Variants in HDGFL2 observed in about 807,000 individuals in gnomAD.
The protein encoded by HDGFL2 is hepatoma-derived growth factor-related protein 2.
A neutral mutation model predicts 77.1 loss-of-function variants in HDGFL2; 36 were observed. The observed-to-expected ratio is 0.47, with a 90% CI of 0.36 to 0.62. The LOEUF (loss-of-function observed/expected upper bound fraction) is 0.62, where lower values mean the gene tolerates loss of function less well. Among genes scored for constraint, HDGFL2 ranks in the 20% least tolerant of loss-of-function variants. HDGFL2 has a pLI of 0.00. For synonymous variants in HDGFL2, 463 were observed against 413.1 expected (o/e 1.12, Z -1.46); for missense variants, 976 against 973.4 (o/e 1.00, Z -0.04).
chr19:4,493,027 TGTGTGTG>T (rs1197710150), intron 6 of HDGFL2, among the ~76,000 whole-genome samples: 1 of 140,812 alleles, frequency 7.1e-6, no homozygotes, highest in Non-Finnish European at 1.5e-5. Flanking sequence ...GTGTGTTATC[TGTGTGTG>T]GTGTGTGGTA....
rs551906096 is a variant in HDGFL2 at position 4,494,531 on chromosome 19, T to C, written c.1224+56T>C. On this transcript the variant is annotated intron_variant, in intron 9 of 15. Coordinates refer to ENST00000616600, the MANE Select transcript of HDGFL2 (RefSeq NM_001001520.3). The stretch of plus-strand genomic sequence containing the variant: ...CTTCACTCCACACGTTTATGGAGCA[T>C]CTACTAGGTAGGAGGCAGTATCCCA... 56 of 1,232,794 alleles carry C rather than the reference T, an allele frequency of 4.5e-5. No individual in the cohort carries two copies. In the African/African-American group the frequency reaches 7.4e-4, roughly 16 times the overall value. The allele number at this position is 1,232,794 out of a possible 1,614,324, so 76.4% of individuals were successfully genotyped here.
chr19:4,490,417 C>G (rs1409478800), intron 4 of HDGFL2, among the ~76,000 whole-genome samples: 1 of 152,198 alleles, frequency 6.6e-6, no homozygotes, highest in Non-Finnish European at 1.5e-5. Context: ...GGGTCAGATT[C>G]CGGTGTGTGG....
At chr19:4,496,487 C>T in intron 10 of HDGFL2, 82 bp downstream of exon 10, 2 of 1,055,956 alleles carry the variant, frequency 1.9e-6, no homozygotes, top group Non-Finnish European at 1.4e-6. Flanking sequence ...ACAGGGGCAG[C>T]CCCACCTCTG....
At chr19:4,479,579 TA>T (rs566085453) in intron 3 of HDGFL2, among the ~76,000 whole-genome samples, 201 of 121,948 alleles carry the variant, frequency 1.6e-3, no homozygotes, top group Admixed American at 1.8e-3. Flanking sequence ...AGATTCCATC[TA>T]AAAAAAAAAA....
chr19:4,472,382 T>A lies in HDGFL2; in HGVS notation c.32T>A (p.Val11Glu), dbSNP rs753167547. The A allele has an allele frequency of 6.8e-7, 1 of 1,479,862 alleles. No homozygotes were observed. Among genetic ancestry groups the A allele is most frequent in the Non-Finnish European group, 9.0e-7 (1 of 1,111,722 alleles). The allele number at this position is 1,479,862 out of a possible 1,614,324, so 91.7% of individuals were successfully genotyped here. A position where few individuals can be genotyped will look rare whatever the true frequency, so the allele number is the denominator to read the frequency against. ...CACGCCTTCAAGCCCGGGGACTTGG[T>A]GTTCGCTAAGATGAAGGGCTACCCT... MPHAFKPGDLVFAKMKGYPHW... is the reference protein window; with the variant it reads MPHAFKPGDLEFAKMKGYPHW... The change falls in exon 1 of 16, where the codon GTG (valine) becomes GAG (glutamate). Residue 11 changes from valine (V) to glutamate (E), a missense_variant. Val to Glu is a moderately radical substitution (Grantham distance 121, BLOSUM62 -2). Transcript: ENST00000616600.
In HDGFL2 at chr19:4,488,759, G is replaced by A. The variant is rs1459464407; in HGVS notation, c.372G>A (p.Gly124=). ...SDADEDDEDR[G]VMAVTAVTAT... Reference sequence around the variant, plus strand: ...CTGACGAGGACGATGAGGACCGGGGGGTCATGGCCGTCACAGCGGTAACCG... The same window carrying A: ...CTGACGAGGACGATGAGGACCGGGGAGTCATGGCCGTCACAGCGGTAACCG... The change falls in exon 4 of 16, where the codon GGG becomes GGA. Residue 124 remains glycine, a synonymous_variant. Coordinates refer to ENST00000616600, the MANE Select transcript of HDGFL2 (RefSeq NM_001001520.3). The A allele has an allele frequency of 1.2e-5, 19 of 1,552,860 alleles. No homozygotes were observed. Among genetic ancestry groups the A allele is most frequent in the African/African-American group, 1.4e-5 (1 of 73,206 alleles).
chr19:4,492,865 G>GGT (rs1214725719), intron 6 of HDGFL2, among the ~76,000 whole-genome samples: 8 of 140,174 alleles, frequency 5.7e-5, no homozygotes, highest in East Asian at 2.2e-4. Context: ...GTGTGTGTGT[G>GGT]GTGTGTGTGG....
intron 4 of HDGFL2, among the ~76,000 whole-genome samples, chr19:4,489,825 G>T (rs187890210): frequency 2.1e-4 from 32 of 152,270 alleles, no homozygotes; most frequent in Admixed American, 5.2e-4. Flanking sequence ...TGTGTTCACG[G>T]AATTGTGCAA....
chr19:4,491,507 G>T, intron 4 of HDGFL2, 59 bp from the exon 5 acceptor site: 2 of 1,488,070 alleles, frequency 1.3e-6, no homozygotes, highest in Non-Finnish European at 9.3e-7. Flanking sequence ...TCAGCTGGGG[G>T]CTTCCTGCCA....
rs745758875 is a variant in HDGFL2, at chr19:4,498,858, G to T, written c.1518G>T (p.Leu506=). ...ATGCCCTAGAGGAGCTGGGAACCCT[G>T]CAGGTGACCTCTCAGATCCTCCAGA... The part of the protein sequence containing the change: ...CLNALEELGT[L]QVTSQILQKN... The change falls in exon 13 of 16, where the codon CTG becomes CTT. Residue 506 remains leucine (L), a synonymous_variant. Transcript: ENST00000616600. 7.4e-6 allele frequency: 12 copies of T among 1,612,020 alleles called. No individual in the cohort carries two copies. The Admixed American group carries it at 1.8e-4, about 25-fold the overall frequency.
At chr19:4,484,117 T>G (rs1217521050) in intron 3 of HDGFL2, among the ~76,000 whole-genome samples, 2 of 131,660 alleles carry the variant, frequency 1.5e-5, no homozygotes, top group Non-Finnish European at 3.2e-5. Flanking sequence ...TGAGACAGTG[T>G]CTGTCACCCA....
At chr19:4,483,974 A>G (rs1975291197) in intron 3 of HDGFL2, among the ~76,000 whole-genome samples, 1 of 149,510 alleles carries the variant, frequency 6.7e-6, no homozygotes, top group Non-Finnish European at 1.5e-5. Context: ...TATTTTTAGT[A>G]GAGATGGAGT....
In HDGFL2 at chr19:4,502,011, G is replaced by A; in HGVS notation, c.*1G>A. On this transcript the variant is annotated 3_prime_UTR_variant, in exon 16 of 16. Coordinates refer to ENST00000616600, the MANE Select transcript of HDGFL2 (RefSeq NM_001001520.3). Reference sequence around the variant, plus strand: ...GGAGGCCCTGGACGAGGAGAGCTGAGCCGCGGGCAGCCAGGCCCAGCCCCC... The same window carrying A: ...GGAGGCCCTGGACGAGGAGAGCTGAACCGCGGGCAGCCAGGCCCAGCCCCC... 1.3e-6 allele frequency: 2 copies of A among 1,519,144 alleles called. No homozygotes were observed. 94.1% of individuals were successfully genotyped at this position (1,519,144 alleles called of 1,614,324 possible). A position where few individuals can be genotyped will look rare whatever the true frequency, so the allele number is the denominator to read the frequency against.
intron 3 of HDGFL2, among the ~76,000 whole-genome samples, chr19:4,477,933 A>T (rs565325931): frequency 4.6e-5 from 7 of 152,028 alleles, no homozygotes; most frequent in African/African-American, 1.4e-4. Context: ...TACAAAAATT[A>T]GCTGGGCGTG....
At chr19:4,473,930 T>C (rs1269176334) in intron 1 of HDGFL2, among the ~76,000 whole-genome samples, 1 of 150,378 alleles carries the variant, frequency 6.6e-6, no homozygotes, top group Non-Finnish European at 1.5e-5. Context: ...GGAAGGGGGC[T>C]GGCCGAGGGG....
At chr19:4,486,014 C>T (rs1599709253) in intron 3 of HDGFL2, among the ~76,000 whole-genome samples, 1 of 145,920 alleles carries the variant, frequency 6.9e-6, no homozygotes, top group Non-Finnish European at 1.5e-5. Flanking sequence ...GATCGCGCCA[C>T]TGCACTCCAG....
intron 6 of HDGFL2, among the ~76,000 whole-genome samples, chr19:4,492,180 T>C (rs1037046337): frequency 7.0e-4 from 106 of 151,858 alleles, no homozygotes; most frequent in Non-Finnish European, 1.0e-3. Flanking sequence ...TATGAGCGGA[T>C]TGTGTGTGTG....
intron 11 of HDGFL2, 78 bp from the exon 12 acceptor site, chr19:4,498,228 T>G: frequency 7.3e-7 from 1 of 1,369,314 alleles, no homozygotes; most frequent in Non-Finnish European, 1.0e-6. Context: ...CTCCAGAGGC[T>G]CTCAGGCTCC....
chr19:4,499,844 C>T, intron 14 of HDGFL2, 140 bp downstream of exon 14: 2 of 701,826 alleles, frequency 2.8e-6, no homozygotes, highest in Non-Finnish European at 4.6e-6. Flanking sequence ...GTTGGGGTCT[C>T]CGTGCAGACC....
Sources: gnomAD v4.1 joint callset for allele counts (sites outside exome capture counted in the v4.1 genomes callset) on GRCh38, gnomAD v4.1.1 for gene constraint, MANE v1.5 for transcripts, NCBI Gene and HGNC (gene_info 2026-07-23, HGNC 2026-07-21) for gene names.